The following MLIP variants were observed in gnomAD, a reference collection of about 807,000 sequenced individuals.
MLIP encodes the protein muscular LMNA-interacting protein.
MLIP carries 79 observed loss-of-function variants against 84.8 expected under a neutral mutation model. That is an observed-to-expected ratio of 0.93 (90% CI 0.78 to 1.12). MLIP has a LOEUF of 1.12. Ranked by LOEUF, MLIP falls within the 50% of genes most tolerant of loss-of-function variation. The pLI is 0.00. For synonymous variants in MLIP, 504 were observed against 463.0 expected, an observed-to-expected ratio of 1.09 and a Z score of -1.14; for missense variants, 1,257 against 1,160.6, an observed-to-expected ratio of 1.08 and a Z score of -1.21.
Position 54,069,103 on chromosome 6 carries a change from G to A in MLIP, c.63+50012G>A, listed in dbSNP as rs1457019193. On this transcript the variant is annotated intron_variant, in intron 1 of 12. Coordinates refer to the MLIP transcript ENST00000274897. ...TGGGGATGCATCCGCAGGTCACTTC[G>A]TTCATGTTCAGTGGTGCTCCATGTG... is the stretch of plus-strand genomic sequence containing the variant. Among the ~76,000 whole-genome samples, 2 of 101,588 alleles carry A rather than the reference G, an allele frequency of 2.0e-5. 1 individual carries two copies. The highest frequency in any genetic ancestry group is 5.7e-5 in the Non-Finnish European group (2 of 35,236). The allele number at this position is 101,588 out of a possible 152,430, so 66.6% of individuals were successfully genotyped here. A position where few individuals can be genotyped will look rare whatever the true frequency, so the allele number is the denominator to read the frequency against.
chr6:54,109,046 CAT>C (rs35182047), upstream of MLIP, among the ~76,000 whole-genome samples: 38 of 148,156 alleles, frequency 2.6e-4, no homozygotes, highest in African/African-American at 8.4e-4. Context: ...TTTATGTCTT[CAT>C]ATATATATAT....
chr6:54,033,726 C>T (rs996530708), intron 1 of MLIP, among the ~76,000 whole-genome samples: 1 of 152,062 alleles, frequency 6.6e-6, no homozygotes, highest in African/African-American at 2.4e-5. Flanking sequence ...ATGATGATTT[C>T]CTATTCTCCT....
At chr6:54,047,771 A>T (rs950180072) in intron 1 of MLIP, among the ~76,000 whole-genome samples, 3 of 152,236 alleles carry the variant, frequency 2.0e-5, no homozygotes, top group African/African-American at 4.8e-5. Flanking sequence ...TTACTCTGTG[A>T]CAGTTACTGT....
intron 3 of MLIP, among the ~76,000 whole-genome samples, chr6:54,131,897 A>C (rs953112209): frequency 1.3e-5 from 2 of 152,130 alleles, no homozygotes; most frequent in African/African-American, 4.8e-5. Flanking sequence ...GTTAATCTTT[A>C]CTGTGACCTA....
intron 12 of MLIP, among the ~76,000 whole-genome samples, chr6:54,251,291 C>T (rs889436105): frequency 6.6e-6 from 1 of 151,090 alleles, no homozygotes; most frequent in African/African-American, 2.4e-5. Flanking sequence ...TGCAGAATCT[C>T]AGGCCCCTCT....
intron 9 of MLIP, among the ~76,000 whole-genome samples, chr6:54,180,086 T>A (rs902034270): frequency 6.6e-6 from 1 of 152,082 alleles, no homozygotes; most frequent in Non-Finnish European, 1.5e-5. Context: ...TTGGGTAAAC[T>A]TTTTTGTTGT....
intron 11 of MLIP, chr6:54,217,570 TC>T: frequency 1.0e-6 from 1 of 984,316 alleles, no homozygotes; most frequent in Non-Finnish European, 1.2e-6. Context: ...CTTCATAAGT[TC>T]CTGTCTTCTT....
At chr6:54,224,529 C>A (rs1023307072) in intron 11 of MLIP, among the ~76,000 whole-genome samples, 1 of 151,882 alleles carries the variant, frequency 6.6e-6, no homozygotes, top group Non-Finnish European at 1.5e-5. Flanking sequence ...TGTTGCTTAA[C>A]GATGGAAATA....
chr6:54,116,457 A>G (rs552233137), intron 1 of MLIP, among the ~76,000 whole-genome samples: 1 of 152,344 alleles, frequency 6.6e-6, no homozygotes, highest in African/African-American at 2.4e-5. Flanking sequence ...ATAGAACACT[A>G]CTGTAAACAA....
intron 11 of MLIP, among the ~76,000 whole-genome samples, chr6:54,225,943 A>G (rs1780545848): frequency 6.6e-6 from 1 of 152,176 alleles, no homozygotes; most frequent in Admixed American, 6.5e-5. Flanking sequence ...GCAGAAAAAT[A>G]TCCTGATGAG....
At chr6:54,052,591 T>C (rs1765436045) in intron 1 of MLIP, among the ~76,000 whole-genome samples, 1 of 152,196 alleles carries the variant, frequency 6.6e-6, no homozygotes, top group Non-Finnish European at 1.5e-5. Context: ...ACACACATTG[T>C]CACAATTGTT....
At chr6:54,248,614 T>C (rs1004749462) in intron 12 of MLIP, among the ~76,000 whole-genome samples, 17 of 152,008 alleles carry the variant, frequency 1.1e-4, no homozygotes, top group African/African-American at 4.1e-4. Context: ...TCCCTTACAC[T>C]GATGTCTAGA....
chr6:54,087,070 T>C (rs1379243394), intron 1 of MLIP, among the ~76,000 whole-genome samples: 1 of 152,220 alleles, frequency 6.6e-6, no homozygotes, highest in Non-Finnish European at 1.5e-5. Flanking sequence ...AGCTCACTGT[T>C]GTATCCCCAG....
intron 12 of MLIP, among the ~76,000 whole-genome samples, chr6:54,240,953 C>T (rs1432182502): frequency 1.3e-5 from 2 of 151,966 alleles, no homozygotes; most frequent in Non-Finnish European, 2.9e-5. Context: ...TCCAGCCTGG[C>T]GACAGAGTGA....
intron 1 of MLIP, among the ~76,000 whole-genome samples, chr6:54,033,328 G>A (rs140835564): frequency 1.8e-4 from 27 of 150,710 alleles, no homozygotes; most frequent in Non-Finnish European, 2.7e-4. Flanking sequence ...GTGCAATGGC[G>A]CAGTCTCAGC....
intron 4 of MLIP, among the ~76,000 whole-genome samples, chr6:54,144,946 G>A (rs1772649817): frequency 6.6e-6 from 1 of 152,128 alleles, no homozygotes; most frequent in Admixed American, 6.6e-5. Context: ...TATTGCAGCT[G>A]GCAACTAGCA....
intron 3 of MLIP, among the ~76,000 whole-genome samples, chr6:54,127,152 A>T (rs184395910): frequency 3.5e-4 from 54 of 152,214 alleles, no homozygotes; most frequent in Non-Finnish European, 1.5e-5. Flanking sequence ...CCTCTTAAAG[A>T]TGTTCCCTTT....
intron 8 of MLIP, among the ~76,000 whole-genome samples, chr6:54,161,419 A>G (rs761715754): frequency 3.3e-5 from 5 of 151,846 alleles, no homozygotes; most frequent in Admixed American, 6.6e-5. Context: ...TAAAATAGTT[A>G]TTTTCATTTG....
Position 54,137,961 on chromosome 6 carries a change from T to A in MLIP, c.1892T>A (p.Leu631Gln). 6.5e-7 allele frequency: 1 copy of A among 1,536,090 alleles called. No individual in the cohort carries two copies. Among genetic ancestry groups the A allele is most frequent in the Non-Finnish European group, 8.7e-7 (1 of 1,146,878 alleles). The change falls in exon 4 of 14, where the codon CTA (leucine) becomes CAA (glutamine). Residue 631 changes from leucine (L) to glutamine (Q), a missense_variant. By Grantham distance (113) the Leu-to-Gln change is moderately radical. Coordinates refer to ENST00000502396, the MANE Select transcript of MLIP (RefSeq NM_001281747.2). ...AGATCTAAAAGAGCATCATCCCAAC[T>A]ATCTGGCCAGGAGCTGAATCCTTCA... is the stretch of plus-strand genomic sequence containing the variant. Reference protein sequence around the residue: ...INRSKRASSQLSGQELNPSAL... With the variant: ...INRSKRASSQQSGQELNPSAL...
Sources: allele counts gnomAD v4.1 joint callset (sites outside exome capture counted in the v4.1 genomes callset), GRCh38; gene constraint gnomAD v4.1.1; transcripts MANE v1.5; gene names NCBI Gene and HGNC (gene_info 2026-07-23, HGNC 2026-07-21).